XYLB: variants seen among roughly 807,000 people sequenced by gnomAD.
XYLB encodes the protein xylulose kinase.
A neutral mutation model predicts 78.7 loss-of-function variants in XYLB; 62 were observed. The observed-to-expected ratio is 0.79, with a 90% CI of 0.64 to 0.97. The LOEUF (loss-of-function observed/expected upper bound fraction) is 0.97. Ranked by LOEUF, XYLB falls within the 50% of genes least tolerant of loss-of-function variation. The pLI is 0.00. For synonymous variants in XYLB, 245 were observed against 247.4 expected, an observed-to-expected ratio of 0.99 and a Z score of 0.09; for missense variants, 687 against 676.8, an observed-to-expected ratio of 1.02 and a Z score of -0.17.
the XYLB span, among the ~76,000 whole-genome samples, chr3:38,426,772 C>T: frequency 6.6e-6 from 1 of 152,190 alleles, no homozygotes; most frequent in Non-Finnish European, 1.5e-5. Context: ...TGGTAGCAAT[C>T]CCTAACCCTG....
the XYLB span, among the ~76,000 whole-genome samples, chr3:38,428,011 C>T: frequency 6.6e-6 from 1 of 152,164 alleles, no homozygotes; most frequent in Non-Finnish European, 1.5e-5. Flanking sequence ...AACTGCATCC[C>T]GTAAATTTTC....
At position 38,407,971 on chromosome 3, in the gene XYLB, A is replaced by T. The variant is rs561372563; in HGVS notation, c.1534-4965A>T. ...CACCCCACTGTCAACATTAGACAGA[A>T]CAACGAGACAGAAAGTTAACAAGGA... On this transcript the variant is annotated intron_variant, in intron 18 of 18. Transcript: ENST00000207870. Among the ~76,000 whole-genome samples, 470 of 152,092 alleles carry T rather than the reference A, an allele frequency of 3.1e-3. 7 individuals carry two copies. The highest frequency in any genetic ancestry group is 0.026 in the Admixed American group (393 of 15,254).
chr3:38,372,588 G>A (rs1706625902), intron 9 of XYLB, 67 bp from the exon 10 acceptor site: 1 of 1,611,524 alleles, frequency 6.2e-7, no homozygotes, highest in Non-Finnish European at 8.5e-7. Flanking sequence ...CCTGAAGGGT[G>A]GGTGGCTGTG....
At chr3:38,449,340 C>G in the XYLB span, among the ~76,000 whole-genome samples, 1 of 152,162 alleles carries the variant, frequency 6.6e-6, no homozygotes, top group Non-Finnish European at 1.5e-5. Context: ...CCAGAATGGT[C>G]TCGATCTCTT....
the XYLB span, among the ~76,000 whole-genome samples, chr3:38,448,679 A>T: frequency 6.6e-6 from 1 of 152,208 alleles, no homozygotes; most frequent in Non-Finnish European, 1.5e-5. Flanking sequence ...TCTGGTGGGT[A>T]GTTAAATTAA....
chr3:38,378,820 A>C (rs190057214), intron 14 of XYLB, among the ~76,000 whole-genome samples: 3 of 148,818 alleles, frequency 2.0e-5, no homozygotes. Context: ...GCTCTCACTT[A>C]TCTAGTATGT....
At chr3:38,392,238 A>G (rs1156834598) in intron 15 of XYLB, among the ~76,000 whole-genome samples, 2 of 152,180 alleles carry the variant, frequency 1.3e-5, no homozygotes, top group Non-Finnish European at 2.9e-5. Context: ...TGCCAGTCTG[A>G]TGGGTGCAAA....
In XYLB at chr3:38,404,583, G is replaced by A. The variant is rs543305145; in HGVS notation, c.1533+3598G>A. ...TGTAATCCCAGCACTTTCGGAGGCC[G>A]AGGCGGATGGATCACATGAGGTCAG... On this transcript the variant is annotated intron_variant, in intron 18 of 18. Coordinates refer to ENST00000207870, the MANE Select transcript of XYLB (RefSeq NM_005108.4). Among the ~76,000 whole-genome samples the A allele has an allele frequency of 5.9e-5, 9 of 152,302 alleles. No individual in the cohort carries two copies. In the South Asian group the frequency reaches 1.2e-3, roughly 21 times the overall value.
At chr3:38,358,298 C>T (rs1196409234) in intron 2 of XYLB, among the ~76,000 whole-genome samples, 1 of 133,224 alleles carries the variant, frequency 7.5e-6, no homozygotes, top group African/African-American at 2.8e-5. Context: ...GCTGGAAATG[C>T]CAGTTTTGTT....
intron 1 of XYLB, 120 bp downstream of exon 1, chr3:38,347,045 G>C: frequency 5.0e-6 from 5 of 1,002,444 alleles, no homozygotes; most frequent in Non-Finnish European, 6.6e-6. Flanking sequence ...CCTACCTCTC[G>C]GGCTTCCCGG....
chr3:38,364,294 C>T (rs818838), intron 4 of XYLB, among the ~76,000 whole-genome samples: 131,181 of 151,548 alleles, frequency 0.87, 58,004 homozygotes, highest in East Asian at 1. Flanking sequence ...TCTACCATCT[C>T]TTCTCCAGCG....
At chr3:38,386,757 G>C (rs1463142160) in intron 15 of XYLB, among the ~76,000 whole-genome samples, 1 of 152,126 alleles carries the variant, frequency 6.6e-6, no homozygotes, top group African/African-American at 2.4e-5. Context: ...ATGTCTTCCG[G>C]GCTAAAGGGA....
Position 38,376,908 on chromosome 3 carries a change from T to G in XYLB, c.1121-10T>G. 6.2e-7 allele frequency: 1 copy of G among 1,612,864 alleles called. No individual in the cohort carries two copies. Among genetic ancestry groups the G allele is most frequent in the Non-Finnish European group, 8.5e-7 (1 of 1,178,938 alleles). ...TAATGACGGCTGATCTCTTCCTGGTTTTATTTCAGGTTTTTATTTTGATGT... is the reference window on the plus strand; with the variant it reads ...TAATGACGGCTGATCTCTTCCTGGTGTTATTTCAGGTTTTTATTTTGATGT... On this transcript the variant is annotated splice_polypyrimidine_tract_variant and intron_variant, in intron 13 of 18. Transcript: ENST00000207870.
chr3:38,383,127 G>A (rs1176901009), intron 15 of XYLB, among the ~76,000 whole-genome samples: 4 of 152,174 alleles, frequency 2.6e-5, no homozygotes, highest in Non-Finnish European at 5.9e-5. Context: ...GTGTGTGCCC[G>A]GCCCAGTTCC....
chr3:38,363,203 G>A lies in XYLB; in HGVS notation c.291+186G>A, dbSNP rs547939579. On this transcript the variant is annotated intron_variant, in intron 4 of 18. Coordinates refer to ENST00000207870, the MANE Select transcript of XYLB (RefSeq NM_005108.4). ...TGGAGACTGTATAACTTGTCTCGTTGCAAAAGGATCTGAGACAGTTCTTAG... is the reference window on the plus strand; with the variant it reads ...TGGAGACTGTATAACTTGTCTCGTTACAAAAGGATCTGAGACAGTTCTTAG... 6.6e-5 allele frequency among the ~76,000 whole-genome samples: 10 copies of A among 152,268 alleles called. 1 individual carries two copies. Among genetic ancestry groups the A allele is most frequent in the Admixed American group, 5.2e-4 (8 of 15,296 alleles).
chr3:38,427,744 C>T, the XYLB span, among the ~76,000 whole-genome samples: 1 of 152,070 alleles, frequency 6.6e-6, no homozygotes, highest in Non-Finnish European at 1.5e-5. Context: ...AGGCGCCCAC[C>T]ACCACACCTG....
intron 8 of XYLB, among the ~76,000 whole-genome samples, chr3:38,369,620 C>G (rs974841227): frequency 6.6e-6 from 1 of 152,176 alleles, no homozygotes; most frequent in South Asian, 2.1e-4. Flanking sequence ...TAGGAAAGAG[C>G]TAGTAGGTTG....
chr3:38,369,490 C>T (rs1216283885), intron 8 of XYLB, among the ~76,000 whole-genome samples: 1 of 152,176 alleles, frequency 6.6e-6, no homozygotes, highest in Non-Finnish European at 1.5e-5. Flanking sequence ...CCATCAGCAT[C>T]CCAGCCCACC....
chr3:38,365,430 G>T, intron 5 of XYLB, 145 bp downstream of exon 5: 1 of 1,365,464 alleles, frequency 7.3e-7, no homozygotes, highest in Non-Finnish European at 1.0e-6. Flanking sequence ...TTTGGGGAGA[G>T]ACCCCACTGG....
Sources: allele counts gnomAD v4.1 joint callset (sites outside exome capture counted in the v4.1 genomes callset), GRCh38; gene constraint gnomAD v4.1.1; transcripts MANE v1.5; gene names NCBI Gene and HGNC (gene_info 2026-07-23, HGNC 2026-07-21).